Variants in DCT observed in about 807,000 individuals in gnomAD.
DCT encodes the protein dopachrome tautomerase, also known as L-dopachrome tautomerase.
Under a neutral mutation model 53.0 loss-of-function variants are expected in DCT, and 47 were observed. The ratio of observed to expected loss-of-function variants is 0.89; its 90% CI spans 0.70 to 1.13. The LOEUF (loss-of-function observed/expected upper bound fraction) is 1.13, where lower values mean the gene tolerates loss of function less well. DCT is among the 50% of genes most tolerant of loss of function. DCT has a pLI of 0.00. For missense variants in DCT, 669 were observed against 637.4 expected (o/e 1.05, Z -0.53); for synonymous variants, 244 against 237.0 (o/e 1.03, Z -0.27).
chr13:94,502,359 A>G, the DCT span, among the ~76,000 whole-genome samples: 56,947 of 151,722 alleles, frequency 0.38, 11,167 homozygotes, highest in East Asian at 0.61. Context: ...TGCCTCTGCC[A>G]TTTCCAGTTG....
chr13:94,517,049 T>G, the DCT span, among the ~76,000 whole-genome samples: 1 of 152,080 alleles, frequency 6.6e-6, no homozygotes, highest in Non-Finnish European at 1.5e-5. Context: ...CAAGGCATAC[T>G]AATTATGTAG....
chr13:94,452,679 A>C (rs1233434734), intron 6 of DCT: 2 of 740,998 alleles, frequency 2.7e-6, no homozygotes, highest in South Asian at 3.1e-5. Context: ...GTCCATCAAC[A>C]GAAAATAGTT....
chr13:94,499,821 C>A, the DCT span, among the ~76,000 whole-genome samples: 1 of 152,224 alleles, frequency 6.6e-6, no homozygotes, highest in Admixed American at 6.5e-5. Flanking sequence ...GAGGGCTGAA[C>A]CCCCACCATG....
chr13:94,511,324 G>A, the DCT span, among the ~76,000 whole-genome samples: 22 of 150,308 alleles, frequency 1.5e-4, no homozygotes, highest in African/African-American at 3.4e-4. Flanking sequence ...AAGGCTGTTC[G>A]TGTTCCCCTG....
intron 2 of DCT, 121 bp downstream of exon 2, chr13:94,468,625 A>G: frequency 1.1e-6 from 1 of 890,532 alleles, no homozygotes. Context: ...ACTTTCATAA[A>G]CCTAAGGCTG....
At chr13:94,442,367 C>T (rs931695657) in intron 7 of DCT, among the ~76,000 whole-genome samples, 2 of 152,062 alleles carry the variant, frequency 1.3e-5, no homozygotes, top group Non-Finnish European at 2.9e-5. Context: ...AGTGCAGTGG[C>T]ACAAACAGGG....
chr13:94,518,166 G>GAAGGAAGGAAGGAAGGAAGA, the DCT span, among the ~76,000 whole-genome samples: 2 of 143,094 alleles, frequency 1.4e-5, no homozygotes, highest in African/African-American at 5.6e-5. Context: ...ATGAAGGAAG[G>GAAGGAAGGAAGGAAGGAAGA]AAGGAAGAAA....
At chr13:94,484,733 A>G in the DCT span, among the ~76,000 whole-genome samples, 5 of 152,074 alleles carry the variant, frequency 3.3e-5, no homozygotes, top group African/African-American at 9.7e-5. Context: ...TCCTTTTTTT[A>G]TACGAACACT....
At chr13:94,480,024 T>C (rs1041109172), upstream of DCT, among the ~76,000 whole-genome samples, 1 of 152,138 alleles carries the variant, frequency 6.6e-6, no homozygotes, top group Non-Finnish European at 1.5e-5. Context: ...CTTTCTGACA[T>C]GTGTGCAAAA....
chr13:94,510,946 A>G, the DCT span, among the ~76,000 whole-genome samples: 1 of 152,014 alleles, frequency 6.6e-6, no homozygotes, highest in Non-Finnish European at 1.5e-5. Context: ...TGCACATTCT[A>G]CTTCCTAAAT....
At chr13:94,524,992 T>C in the DCT span, among the ~76,000 whole-genome samples, 2 of 152,116 alleles carry the variant, frequency 1.3e-5, no homozygotes, top group African/African-American at 2.4e-5. Flanking sequence ...ACACCAAAGA[T>C]TGCCAGGAAA....
At chr13:94,508,133 G>A in the DCT span, among the ~76,000 whole-genome samples, 2 of 152,188 alleles carry the variant, frequency 1.3e-5, no homozygotes, top group African/African-American at 4.8e-5. Flanking sequence ...TATGTATTAC[G>A]TTGGTGGTAG....
chr13:94,464,546 A>T (rs867424122), intron 4 of DCT, among the ~76,000 whole-genome samples: 22 of 152,230 alleles, frequency 1.4e-4, no homozygotes, highest in African/African-American at 4.6e-4. Context: ...AGGCTGAGGC[A>T]GGAGAATTGC....
chr13:94,442,825 T>C (rs574004795), intron 7 of DCT, among the ~76,000 whole-genome samples: 2 of 152,344 alleles, frequency 1.3e-5, no homozygotes, highest in South Asian at 4.1e-4. Context: ...GATGTGGGTA[T>C]GAAAAACAAA....
the DCT span, among the ~76,000 whole-genome samples, chr13:94,529,361 T>A: frequency 3.5e-3 from 529 of 152,292 alleles, 4 homozygotes; most frequent in African/African-American, 0.012. Context: ...CACATCGCAC[T>A]TATTCTAAAA....
At chr13:94,485,565 A>C in the DCT span, among the ~76,000 whole-genome samples, 1 of 152,234 alleles carries the variant, frequency 6.6e-6, no homozygotes, top group Non-Finnish European at 1.5e-5. Context: ...CATAGGAAGC[A>C]CTTTCAAAAT....
At chr13:94,515,026 TGC>T in the DCT span, among the ~76,000 whole-genome samples, 4 of 152,208 alleles carry the variant, frequency 2.6e-5, no homozygotes, top group Middle Eastern at 3.2e-3. Context: ...ATAGGATTAG[TGC>T]CCTTAGAAAA....
At chr13:94,518,279 A>T in the DCT span, among the ~76,000 whole-genome samples, 1 of 152,162 alleles carries the variant, frequency 6.6e-6, no homozygotes, top group Non-Finnish European at 1.5e-5. Context: ...ACCACCCAAA[A>T]TTGATATCTG....
chr13:94,540,936 G>GTACT, the DCT span, among the ~76,000 whole-genome samples: 1 of 152,096 alleles, frequency 6.6e-6, no homozygotes, highest in South Asian at 2.1e-4. Flanking sequence ...AGAAAATGTG[G>GTACT]TACTTACACA....
Sources: gnomAD v4.1 joint callset for allele counts (sites outside exome capture counted in the v4.1 genomes callset) on GRCh38, gnomAD v4.1.1 for gene constraint, MANE v1.5 for transcripts, NCBI Gene and HGNC (gene_info 2026-07-23, HGNC 2026-07-21) for gene names.